Variants in XYLT1 observed in about 807,000 individuals in gnomAD.
XYLT1 encodes the protein beta-D-xylosyltransferase 1.
In XYLT1, 36 loss-of-function variants were observed where a neutral mutation model predicts 91.3. The observed-to-expected ratio is 0.39, with a 90% CI of 0.30 to 0.52. The LOEUF (loss-of-function observed/expected upper bound fraction) is 0.52, where lower values mean the gene tolerates loss of function less well. Among genes scored for constraint, XYLT1 ranks in the 20% least tolerant of loss-of-function variants. The probability of loss-of-function intolerance (pLI) is 0.68; values close to 1 mark genes in which losing one functional copy is unlikely to be tolerated. For missense variants in XYLT1, 1,242 were observed against 1,284.5 expected, an observed-to-expected ratio of 0.97 and a Z score of 0.51; for synonymous variants, 588 against 532.0, an observed-to-expected ratio of 1.11 and a Z score of -1.45.
rs1181013630 is a variant in XYLT1 at position 17,103,749 on chromosome 16, T to C, written c.*4946A>G. 2 of 152,170 alleles carry C rather than the reference T, an allele frequency of 1.3e-5. No individual in the cohort carries two copies. The highest frequency in any genetic ancestry group is 2.9e-5 in the Non-Finnish European group (2 of 68,114). 9.4% of individuals were successfully genotyped at this position (152,170 alleles called of 1,614,324 possible). On this transcript the variant is annotated 3_prime_UTR_variant, in exon 12 of 12. Transcript: ENST00000261381. ...TCTGTAGGCAGAGGCAGTTGGAATA[T>C]TCCCAGCCAAGTGGAGAGGGAAGAG...
chr16:17,434,724 C>T (rs1320135512), intron 1 of XYLT1, among the ~76,000 whole-genome samples: 1 of 152,018 alleles, frequency 6.6e-6, no homozygotes, highest in African/African-American at 2.4e-5. Flanking sequence ...CAAAATTAGC[C>T]AGGTGTGGTA....
At chr16:17,388,717 G>T (rs1346056570) in intron 1 of XYLT1, among the ~76,000 whole-genome samples, 3 of 152,162 alleles carry the variant, frequency 2.0e-5, no homozygotes, top group Non-Finnish European at 4.4e-5. Flanking sequence ...TAGGCAAAAA[G>T]GAGTTTTCTT....
chr16:17,470,366 G>C lies in XYLT1; in HGVS notation c.363+68C>G, dbSNP rs897222253. On this transcript the variant is annotated intron_variant, in intron 1 of 11. Coordinates refer to ENST00000261381, the MANE Select transcript of XYLT1 (RefSeq NM_022166.4). ...TCTGATGACCGAGTTCAAGGGCTAG[G>C]GGGGCGTGGGGTCGGGCTGCCTTCC... The C allele has an allele frequency of 2.2e-5, 26 of 1,207,804 alleles. No homozygotes were observed. In the African/African-American group the frequency reaches 3.0e-4, roughly 14 times the overall value. The allele number at this position is 1,207,804 out of a possible 1,614,324, so 74.8% of individuals were successfully genotyped here. A position where few individuals can be genotyped will look rare whatever the true frequency, so the allele number is the denominator to read the frequency against.
At chr16:17,311,254 T>G (rs1306529658) in intron 2 of XYLT1, among the ~76,000 whole-genome samples, 1 of 152,172 alleles carries the variant, frequency 6.6e-6, no homozygotes, top group Non-Finnish European at 1.5e-5. Context: ...TGGTTAGAAA[T>G]GCAGACTCCC....
intron 1 of XYLT1, among the ~76,000 whole-genome samples, chr16:17,393,742 C>T (rs1199276367): frequency 1.3e-5 from 2 of 151,584 alleles, no homozygotes; most frequent in African/African-American, 2.4e-5. Flanking sequence ...AGGGAGACCC[C>T]ATCTCAAAAG....
chr16:17,138,142 TTTGGGTTAA>T, intron 8 of XYLT1: 1 of 431,754 alleles, frequency 2.3e-6, no homozygotes, highest in African/African-American at 1.9e-5. Context: ...ATTTGTTGTT[TTTGGGTTAA>T]TGAGTCAATG....
rs887925902 is a variant in XYLT1 at position 17,128,532 on chromosome 16, T to G, written c.2028-671A>C. Among the ~76,000 whole-genome samples the G allele has an allele frequency of 5.9e-5, 9 of 152,258 alleles. No homozygotes were observed. In the East Asian group the frequency reaches 1.2e-3, roughly 20 times the overall value. On this transcript the variant is annotated intron_variant, in intron 9 of 11. Transcript: ENST00000261381. ...TCGTCTCTCTCTCTGTTTAAATGTC[T>G]GAGGCTCTTCGTGTCTGCAGCTTAA... is the stretch of plus-strand genomic sequence containing the variant.
intron 2 of XYLT1, among the ~76,000 whole-genome samples, chr16:17,262,145 G>A (rs978862291): frequency 2.6e-5 from 4 of 152,156 alleles, no homozygotes; most frequent in Non-Finnish European, 4.4e-5. Flanking sequence ...ACAATTGGAT[G>A]TATTTATCTT....
chr16:17,407,845 G>A (rs1019675032), intron 1 of XYLT1, among the ~76,000 whole-genome samples: 3 of 152,342 alleles, frequency 2.0e-5, no homozygotes, highest in African/African-American at 2.4e-5. Flanking sequence ...CTAATGGGAG[G>A]TGTTTGGGTT....
intron 3 of XYLT1, 39 bp from the exon 4 acceptor site, chr16:17,200,693 G>C: frequency 1.3e-6 from 2 of 1,597,176 alleles, no homozygotes; most frequent in Non-Finnish European, 1.7e-6. Flanking sequence ...AGAAAGTGAG[G>C]CTCTGCCATC....
At chr16:17,432,292 C>T (rs1239743039) in intron 1 of XYLT1, among the ~76,000 whole-genome samples, 2 of 152,200 alleles carry the variant, frequency 1.3e-5, no homozygotes, top group Non-Finnish European at 2.9e-5. Context: ...CAGCGTTATT[C>T]ACAACAGCCC....
chr16:17,290,506 T>C (rs1344015221), intron 2 of XYLT1, among the ~76,000 whole-genome samples: 1 of 152,236 alleles, frequency 6.6e-6, no homozygotes, highest in East Asian at 1.9e-4. Flanking sequence ...TTCAACCGCA[T>C]GGAAGTACCA....
intron 2 of XYLT1, among the ~76,000 whole-genome samples, chr16:17,305,768 C>G (rs73529398): frequency 0.031 from 4,759 of 152,150 alleles, 268 homozygotes; most frequent in African/African-American, 0.11. Context: ...TATAAGGACC[C>G]GGCAAACCCC....
At chr16:17,141,656 A>G (rs964603723) in intron 6 of XYLT1, among the ~76,000 whole-genome samples, 2 of 152,174 alleles carry the variant, frequency 1.3e-5, no homozygotes, top group African/African-American at 4.8e-5. Context: ...CAGTCAGATG[A>G]CAGTGATCAT....
intron 1 of XYLT1, among the ~76,000 whole-genome samples, chr16:17,469,916 G>A (rs2036959039): frequency 2.0e-5 from 3 of 152,194 alleles, no homozygotes; most frequent in Admixed American, 2.0e-4. Flanking sequence ...TATTGATTCA[G>A]GGGCATGGTC....
chr16:17,269,792 T>TTTG (rs2033858981), intron 2 of XYLT1, among the ~76,000 whole-genome samples: 2 of 141,696 alleles, frequency 1.4e-5, no homozygotes, highest in Non-Finnish European at 3.0e-5. Context: ...TCCTTCTCCC[T>TTTG]TTATTATTAT....
chr16:17,355,373 G>T (rs61742817), intron 2 of XYLT1: 13,373 of 152,312 alleles, frequency 0.088, 697 homozygotes, highest in Middle Eastern at 0.14. Context: ...TCCGGACACA[G>T]ATGTTCGCCC....
intron 1 of XYLT1, among the ~76,000 whole-genome samples, chr16:17,455,299 C>T (rs558732964): frequency 6.6e-6 from 1 of 152,266 alleles, no homozygotes; most frequent in East Asian, 1.9e-4. Flanking sequence ...GCATGTTCTA[C>T]TTCAAGAGAA....
chr16:17,161,291 G>T (rs1359330266), intron 5 of XYLT1, among the ~76,000 whole-genome samples: 2 of 152,186 alleles, frequency 1.3e-5, no homozygotes, highest in African/African-American at 4.8e-5. Flanking sequence ...ATGACATCTT[G>T]GGGGAGGGAG....
Sources: gnomAD v4.1 joint callset for allele counts (sites outside exome capture counted in the v4.1 genomes callset) on GRCh38, gnomAD v4.1.1 for gene constraint, MANE v1.5 for transcripts, NCBI Gene and HGNC (gene_info 2026-07-23, HGNC 2026-07-21) for gene names.